The following STN1 variants were observed in gnomAD, a reference collection of about 807,000 sequenced individuals.
The protein encoded by STN1 is CST complex subunit STN1.
In STN1, 29 loss-of-function variants were observed where a neutral mutation model predicts 45.5. That is an observed-to-expected ratio of 0.64 (90% confidence interval 0.47 to 0.87). The LOEUF (loss-of-function observed/expected upper bound fraction) is 0.87. STN1 is among the 40% of genes least tolerant of loss of function. The pLI is 0.00. For missense variants in STN1, 376 were observed against 441.4 expected (o/e 0.85, Z 1.33); for synonymous variants, 148 against 159.0 (o/e 0.93, Z 0.52).
At chr10:103,896,596 A>G (rs1253075765) in intron 7 of STN1, among the ~76,000 whole-genome samples, 1 of 152,144 alleles carries the variant, frequency 6.6e-6, no homozygotes, top group Non-Finnish European at 1.5e-5. Context: ...AAATAAAACT[A>G]GGGGTAAAAA....
Position 103,900,230 on chromosome 10 carries a change from T to A in STN1, c.296-7A>T. Reference sequence around the variant, plus strand: ...CTTGCTGCACTTGGAGCAGCTGTAGTTGTTTAGAGCCAGAGGGAAAGAGAA... The same window carrying A: ...CTTGCTGCACTTGGAGCAGCTGTAGATGTTTAGAGCCAGAGGGAAAGAGAA... On this transcript the variant is annotated splice_region_variant and splice_polypyrimidine_tract_variant and intron_variant, in intron 4 of 9. Transcript: ENST00000224950. The A allele has an allele frequency of 6.2e-7, 1 of 1,613,544 alleles. No individual in the cohort carries two copies. Among genetic ancestry groups the A allele is most frequent in the African/African-American group, 1.3e-5 (1 of 74,984 alleles).
At position 103,914,335 on chromosome 10, in the gene STN1, CATAT is replaced by C. The variant is rs1239270984; in HGVS notation, c.133+3123_133+3126del. On this transcript the variant is annotated intron_variant, in intron 2 of 9. Coordinates refer to ENST00000224950, the MANE Select transcript of STN1 (RefSeq NM_024928.5). ...ATGTTATGAGCTATTATTAAAAATA[CATAT>C]ATATATATATATATATATATATATA... 2.8e-3 allele frequency among the ~76,000 whole-genome samples: 100 copies of C among 35,516 alleles called. 1 individual carries two copies. The highest frequency in any genetic ancestry group is 3.5e-3 in the South Asian group (2 of 572). The allele number at this position is 35,516 out of a possible 152,430, so 23.3% of individuals were successfully genotyped here. A position where few individuals can be genotyped will look rare whatever the true frequency, so the allele number is the denominator to read the frequency against.
chr10:103,896,207 G>A (rs1390309193), intron 7 of STN1, among the ~76,000 whole-genome samples: 1 of 152,170 alleles, frequency 6.6e-6, no homozygotes, highest in Non-Finnish European at 1.5e-5. Context: ...GTGAGAACCT[G>A]CTTTATGCCA....
Position 103,878,819 on chromosome 10 carries a change from A to C in STN1, c.*3865T>G, listed in dbSNP as rs556740998. 2.6e-5 allele frequency: 4 copies of C among 152,512 alleles called. No homozygotes were observed. The East Asian group carries it at 7.7e-4, about 29-fold the overall frequency. 9.4% of individuals were successfully genotyped at this position (152,512 alleles called of 1,614,324 possible). A position where few individuals can be genotyped will look rare whatever the true frequency, so the allele number is the denominator to read the frequency against. Reference sequence around the variant, plus strand: ...CATCCAGGAGCCAATCCTGAGACAGAGACCGGAAAGCAAGAAATGCATCTG... The same window carrying C: ...CATCCAGGAGCCAATCCTGAGACAGCGACCGGAAAGCAAGAAATGCATCTG... On this transcript the variant is annotated 3_prime_UTR_variant, in exon 10 of 10. Coordinates refer to ENST00000224950, the MANE Select transcript of STN1 (RefSeq NM_024928.5).
chr10:103,916,471 C>G (rs1195420823), intron 2 of STN1, among the ~76,000 whole-genome samples: 1 of 152,154 alleles, frequency 6.6e-6, no homozygotes, highest in African/African-American at 2.4e-5. Context: ...AAAATCTGTA[C>G]AAAAGGCATT....
At chr10:103,915,543 C>T (rs905726134) in intron 2 of STN1, among the ~76,000 whole-genome samples, 12 of 152,308 alleles carry the variant, frequency 7.9e-5, no homozygotes, top group South Asian at 4.1e-4. Context: ...CAGTGAAATT[C>T]TTTATCACAC....
At chr10:103,895,471 G>A (rs1030600293) in intron 7 of STN1, among the ~76,000 whole-genome samples, 4 of 152,194 alleles carry the variant, frequency 2.6e-5, no homozygotes, top group Non-Finnish European at 5.9e-5. Flanking sequence ...GCTTTGAGCC[G>A]CCTCTAAATG....
intron 8 of STN1, 106 bp downstream of exon 8, chr10:103,892,024 T>C: frequency 1.1e-6 from 1 of 932,660 alleles, no homozygotes; most frequent in East Asian, 2.7e-5. Flanking sequence ...TGATTTTATG[T>C]ACCTCCTTAA....
At chr10:103,917,699 G>A in intron 1 of STN1, 43 bp from the exon 2 acceptor site, 3 of 1,334,974 alleles carry the variant, frequency 2.2e-6, no homozygotes, top group Non-Finnish European at 3.1e-6. Context: ...GTTTAACGTG[G>A]GTCAAAGTGG....
Position 103,917,639 on chromosome 10 carries a change from C to A in STN1, c.-45G>T, listed in dbSNP as rs552390081. The A allele has an allele frequency of 1.9e-6, 3 of 1,600,184 alleles. No homozygotes were observed. The South Asian group carries it at 3.3e-5, about 18-fold the overall frequency. ...TTCCAGCTAACTCTGAAAGGTTCTG[C>A]ATCACTGAGTCAAGCATCTAGATGG... is the stretch of plus-strand genomic sequence containing the variant. On this transcript the variant is annotated 5_prime_UTR_variant, in exon 2 of 10. The change abolishes an upstream ATG in the 5' untranslated region. Coordinates refer to ENST00000224950, the MANE Select transcript of STN1 (RefSeq NM_024928.5).
At chr10:103,891,952 A>C (rs565422083) in intron 8 of STN1, among the ~76,000 whole-genome samples, 178 bp downstream of exon 8, 6 of 152,332 alleles carry the variant, frequency 3.9e-5, no homozygotes, top group Admixed American at 1.3e-4. Flanking sequence ...TGTGTGGTTC[A>C]TGGGTCAACT....
At chr10:103,885,281 TGATGATGGA>T (rs1407821809) in intron 9 of STN1, among the ~76,000 whole-genome samples, 1 of 152,078 alleles carries the variant, frequency 6.6e-6, no homozygotes, top group African/African-American at 2.4e-5. Flanking sequence ...AGGATAGGTT[TGATGATGGA>T]GGGTGAGGGG....
intron 3 of STN1, among the ~76,000 whole-genome samples, chr10:103,905,919 A>T (rs113052207): frequency 2.2e-4 from 33 of 152,336 alleles, no homozygotes; most frequent in Middle Eastern, 3.4e-3. Flanking sequence ...TTTGCTAGGG[A>T]ATAACAGGCA....
rs191235075 is a variant in STN1 at position 103,903,405 on chromosome 10, A to G, written c.295+1686T>C. 4.4e-3 allele frequency among the ~76,000 whole-genome samples: 667 copies of G among 152,306 alleles called. 10 individuals are homozygous for G. Among genetic ancestry groups the G allele is most frequent in the Admixed American group, 0.034 (521 of 15,298 alleles). On this transcript the variant is annotated intron_variant, in intron 4 of 9. Transcript: ENST00000224950. The stretch of plus-strand genomic sequence containing the variant: ...TACAGTTTGACAAAAACAAGTTTCA[A>G]TGTTTTTGTCCCCTCAAAATCTCAT...
chr10:103,905,406 T>C (rs973112074), intron 3 of STN1, among the ~76,000 whole-genome samples: 3 of 152,178 alleles, frequency 2.0e-5, no homozygotes, highest in African/African-American at 7.2e-5. Flanking sequence ...TTATCCTACC[T>C]CAAGGTACTA....
chr10:103,915,801 T>C (rs1235351726), intron 2 of STN1, among the ~76,000 whole-genome samples: 2 of 152,136 alleles, frequency 1.3e-5, no homozygotes, highest in East Asian at 3.9e-4. Context: ...AAGACAATTT[T>C]TCCGGGGATG....
In STN1 at chr10:103,880,807, G is replaced by C. The variant is rs1366692564; in HGVS notation, c.*1877C>G. Among the ~76,000 whole-genome samples, 1 of 152,208 alleles carries C rather than the reference G, an allele frequency of 6.6e-6. No individual in the cohort carries two copies. The highest frequency in any genetic ancestry group is 2.4e-5 in the African/African-American group (1 of 41,448). ...ACTGAACAAAGGAACCTGAGAAGGAGCAACCAGAGAGCTTGGTGTCCTGAA... is the reference window on the plus strand; with the variant it reads ...ACTGAACAAAGGAACCTGAGAAGGACCAACCAGAGAGCTTGGTGTCCTGAA... On this transcript the variant is annotated 3_prime_UTR_variant, in exon 10 of 10. Coordinates refer to ENST00000224950, the MANE Select transcript of STN1 (RefSeq NM_024928.5).
At chr10:103,886,168 G>T (rs1169057627) in intron 9 of STN1, among the ~76,000 whole-genome samples, 3 of 152,148 alleles carry the variant, frequency 2.0e-5, no homozygotes, top group Non-Finnish European at 4.4e-5. Context: ...CTCTGGGATA[G>T]TAAAAAATGA....
chr10:103,901,927 G>T (rs1843212225), intron 4 of STN1, among the ~76,000 whole-genome samples: 1 of 152,066 alleles, frequency 6.6e-6, no homozygotes, highest in African/African-American at 2.4e-5. Flanking sequence ...CAGTCATTTG[G>T]ATTTTTAATA....
Sources: gnomAD v4.1 joint callset for allele counts (sites outside exome capture counted in the v4.1 genomes callset) on GRCh38, gnomAD v4.1.1 for gene constraint, MANE v1.5 for transcripts, NCBI Gene and HGNC (gene_info 2026-07-23, HGNC 2026-07-21) for gene names.